RGS7BP: variants seen among roughly 807,000 people sequenced by gnomAD.
RGS7BP encodes the protein regulator of G protein signaling 7-binding protein.
RGS7BP carries 9 observed loss-of-function variants against 31.3 expected under a neutral mutation model. The ratio of observed to expected loss-of-function variants is 0.29; its 90% confidence interval spans 0.17 to 0.50. The LOEUF (loss-of-function observed/expected upper bound fraction) is 0.50, where lower values mean the gene tolerates loss of function less well. Among genes scored for constraint, RGS7BP ranks in the 20% least tolerant of loss-of-function variants. RGS7BP has a pLI of 0.98. For synonymous variants in RGS7BP, 115 were observed against 120.1 expected, an observed-to-expected ratio of 0.96 and a Z score of 0.28; for missense variants, 274 against 322.0, an observed-to-expected ratio of 0.85 and a Z score of 1.14.
chr5:64,566,474 G>T (rs923957918), intron 2 of RGS7BP, among the ~76,000 whole-genome samples: 9 of 152,052 alleles, frequency 5.9e-5, no homozygotes, highest in African/African-American at 2.2e-4. Flanking sequence ...AGTCTTACAT[G>T]ATTATTCATT....
Position 64,611,666 on chromosome 5 carries a change from T to C in RGS7BP, c.*2414T>C, listed in dbSNP as rs1273561667. 6.6e-6 allele frequency: 1 copy of C among 152,270 alleles called. No individual in the cohort carries two copies. The highest frequency in any genetic ancestry group is 2.4e-5 in the African/African-American group (1 of 41,380). 9.4% of individuals were successfully genotyped at this position (152,270 alleles called of 1,614,324 possible). A position where few individuals can be genotyped will look rare whatever the true frequency, so the allele number is the denominator to read the frequency against. On this transcript the variant is annotated 3_prime_UTR_variant, in exon 6 of 6. Coordinates refer to ENST00000334025, the MANE Select transcript of RGS7BP (RefSeq NM_001029875.3). The stretch of plus-strand genomic sequence containing the variant: ...TGCCTGTTTTCCAGCCTTTGATCAG[T>C]TTTGTAGTTCCCGTGGATAAACTCC...
In RGS7BP at chr5:64,540,676, CT is replaced by C. The variant is rs201952547; in HGVS notation, c.332+32800del. Among the ~76,000 whole-genome samples the C allele has an allele frequency of 3.7e-3, 564 of 152,222 alleles. 2 individuals are homozygous for C. The highest frequency in any genetic ancestry group is 0.013 in the African/African-American group (523 of 41,518). On this transcript the variant is annotated intron_variant, in intron 2 of 5. Coordinates refer to ENST00000334025, the MANE Select transcript of RGS7BP (RefSeq NM_001029875.3). Reference sequence around the variant, plus strand: ...GTTCAAGTCCTCTGGGAACCAGACACTGAGATGAAATTAGAAATGCAAGATT... The same window carrying C: ...GTTCAAGTCCTCTGGGAACCAGACACGAGATGAAATTAGAAATGCAAGATT...
intron 2 of RGS7BP, among the ~76,000 whole-genome samples, chr5:64,535,242 A>G (rs775232385): frequency 2.6e-5 from 4 of 152,216 alleles, no homozygotes; most frequent in Non-Finnish European, 5.9e-5. Flanking sequence ...TCATGGAAAC[A>G]TGTACTTATT....
intron 3 of RGS7BP, among the ~76,000 whole-genome samples, chr5:64,583,600 G>A (rs1346149345): frequency 2.0e-5 from 3 of 152,182 alleles, no homozygotes; most frequent in Admixed American, 6.5e-5. Flanking sequence ...TAGAATGGAT[G>A]ATGATGTAAT....
intron 2 of RGS7BP, among the ~76,000 whole-genome samples, chr5:64,572,547 C>T (rs1333227670): frequency 6.6e-6 from 1 of 151,970 alleles, no homozygotes; most frequent in African/African-American, 2.4e-5. Flanking sequence ...TAAATAGTTC[C>T]TTTCTTTCTC....
intron 2 of RGS7BP, among the ~76,000 whole-genome samples, chr5:64,574,286 GTGTGTCTGGGTGTA>G (rs956319443): frequency 6.6e-6 from 1 of 152,016 alleles, no homozygotes; most frequent in Non-Finnish European, 1.5e-5. Context: ...ATGTGTGTGT[GTGTGTCTGGGTGTA>G]TGTGTCTGGG....
At chr5:64,571,032 C>G (rs568050288) in intron 2 of RGS7BP, among the ~76,000 whole-genome samples, 1 of 152,150 alleles carries the variant, frequency 6.6e-6, no homozygotes, top group South Asian at 2.1e-4. Context: ...ACCCGTGTAA[C>G]TAAACCTCCA....
At chr5:64,530,488 G>A (rs1749343516) in intron 2 of RGS7BP, among the ~76,000 whole-genome samples, 1 of 152,174 alleles carries the variant, frequency 6.6e-6, no homozygotes, top group African/African-American at 2.4e-5. Context: ...AATAGACGAG[G>A]AAATGAAGGC....
intron 5 of RGS7BP, among the ~76,000 whole-genome samples, chr5:64,608,423 AATG>A (rs1743418991): frequency 3.9e-5 from 6 of 152,040 alleles, no homozygotes; most frequent in African/African-American, 1.2e-4. Flanking sequence ...GTCTTCTATG[AATG>A]CCCTTGTGTA....
chr5:64,601,805 A>G, intron 5 of RGS7BP, among the ~76,000 whole-genome samples: 1 of 152,204 alleles, frequency 6.6e-6, no homozygotes, highest in East Asian at 1.9e-4. Flanking sequence ...CAGAGGCTAA[A>G]AGGAGATTGG....
At chr5:64,527,481 C>T (rs1179701880) in intron 2 of RGS7BP, among the ~76,000 whole-genome samples, 1 of 151,954 alleles carries the variant, frequency 6.6e-6, no homozygotes, top group East Asian at 1.9e-4. Flanking sequence ...AGAGTTTCTG[C>T]CAAGATTTCA....
chr5:64,519,553 G>A (rs1390979047), intron 2 of RGS7BP, among the ~76,000 whole-genome samples: 1 of 152,206 alleles, frequency 6.6e-6, no homozygotes, highest in Non-Finnish European at 1.5e-5. Flanking sequence ...GAACTTTGAA[G>A]AGCAAATAGC....
chr5:64,540,342 C>T (rs1741496328), intron 2 of RGS7BP, among the ~76,000 whole-genome samples: 1 of 152,000 alleles, frequency 6.6e-6, no homozygotes. Flanking sequence ...TTTCATTTAA[C>T]AGTATAATAA....
At chr5:64,524,856 T>C (rs1749193215) in intron 2 of RGS7BP, among the ~76,000 whole-genome samples, 1 of 151,972 alleles carries the variant, frequency 6.6e-6, no homozygotes, top group Admixed American at 6.5e-5. Flanking sequence ...GCCATCATTC[T>C]GAAAAATCCA....
chr5:64,579,715 G>A (rs544023014), intron 3 of RGS7BP, among the ~76,000 whole-genome samples: 14 of 151,842 alleles, frequency 9.2e-5, no homozygotes, highest in Non-Finnish European at 1.9e-4. Context: ...GAAAATTTGT[G>A]GAATGACAAA....
chr5:64,534,253 GGA>G (rs67411587), intron 2 of RGS7BP, among the ~76,000 whole-genome samples: 48,039 of 151,838 alleles, frequency 0.32, 7,995 homozygotes, highest in South Asian at 0.39. Context: ...CTGACAGACT[GGA>G]GTGTGGTGAG....
At chr5:64,543,221 C>G (rs1741570109) in intron 2 of RGS7BP, among the ~76,000 whole-genome samples, 1 of 152,166 alleles carries the variant, frequency 6.6e-6, no homozygotes, top group Non-Finnish European at 1.5e-5. Flanking sequence ...TTGAGCCAGA[C>G]TGTTGAATGT....
Position 64,506,897 on chromosome 5 carries a change from C to A in RGS7BP, c.165+108C>A. 1 of 1,037,392 alleles carries A rather than the reference C, an allele frequency of 9.6e-7. No individual in the cohort carries two copies. Among genetic ancestry groups the A allele is most frequent in the Non-Finnish European group, 1.4e-6 (1 of 718,188 alleles). The allele number at this position is 1,037,392 out of a possible 1,614,324, so 64.3% of individuals were successfully genotyped here. A position where few individuals can be genotyped will look rare whatever the true frequency, so the allele number is the denominator to read the frequency against. ...GTGCCAGCCACTCCCCCACCCTCAG[C>A]TCCTCAATGCCGATCACGTGGCACA... On this transcript the variant is annotated intron_variant, in intron 1 of 5. Coordinates refer to ENST00000334025, the MANE Select transcript of RGS7BP (RefSeq NM_001029875.3). The surrounding 1 kb of genome is among the most constrained non-coding windows in gnomAD (Gnocchi z 4.6).
chr5:64,608,121 G>A (rs960739929), intron 5 of RGS7BP, among the ~76,000 whole-genome samples: 7 of 152,000 alleles, frequency 4.6e-5, no homozygotes, highest in East Asian at 1.9e-4. Flanking sequence ...GCTTAGGTAC[G>A]TAACAGTCAC....
Sources: allele counts gnomAD v4.1 joint callset (sites outside exome capture counted in the v4.1 genomes callset), GRCh38; gene constraint gnomAD v4.1.1; non-coding constraint Gnocchi (gnomAD v3.1); transcripts MANE v1.5; gene names NCBI Gene and HGNC (gene_info 2026-07-23, HGNC 2026-07-21).